LRRC75B: variants seen among roughly 807,000 people sequenced by gnomAD.
The protein encoded by LRRC75B is leucine-rich repeat-containing protein 75B.
A neutral mutation model predicts 16.5 loss-of-function variants in LRRC75B; 20 were observed. The observed-to-expected ratio is 1.21, with a 90% CI of 0.85 to 1.76. The LOEUF (loss-of-function observed/expected upper bound fraction) is 1.76, where lower values mean the gene tolerates loss of function less well. LRRC75B is among the 40% of genes most tolerant of loss of function. The probability of loss-of-function intolerance (pLI) is 0.00; values close to 1 mark genes in which losing one functional copy is unlikely to be tolerated. For synonymous variants in LRRC75B, 199 were observed against 198.1 expected (o/e 1.00, Z -0.04); for missense variants, 406 against 417.0 (o/e 0.97, Z 0.23).
At chr22:24,587,539 G>A (rs2045432909) in intron 3 of LRRC75B, among the ~76,000 whole-genome samples, 1 of 152,076 alleles carries the variant, frequency 6.6e-6, no homozygotes. Context: ...GGCAGACAGG[G>A]GAGGCCTGCT....
rs1056306772 is a variant in LRRC75B at position 24,585,919 on chromosome 22, C to T, written c.915G>A (p.Leu305=). 2 of 1,604,554 alleles carry T rather than the reference C, an allele frequency of 1.2e-6. No homozygotes were observed. The highest frequency in any genetic ancestry group is 1.3e-5 in the African/African-American group (1 of 74,964). ...ASTWDSTAAG[L]GPEPQACCAR is the part of the protein sequence containing the mutation. Reference sequence around the variant, plus strand: ...CACAGCAGGCCTGGGGCTCGGGTCCCAGCCCAGCAGCTGTGGAGTCCCAGG... The same window carrying T: ...CACAGCAGGCCTGGGGCTCGGGTCCTAGCCCAGCAGCTGTGGAGTCCCAGG... Residue 305 remains leucine (L), a synonymous_variant, in exon 4 of 4, where the codon CTG becomes CTA. Transcript: ENST00000318753.
chr22:24,589,304 G>A (rs998844662), intron 2 of LRRC75B: 34 of 1,206,716 alleles, frequency 2.8e-5, no homozygotes, highest in Middle Eastern at 2.5e-4. Context: ...CTCCACCCCA[G>A]CAAGGAGGAG....
chr22:24,588,683 G>C (rs760988807), intron 2 of LRRC75B: 37 of 1,106,042 alleles, frequency 3.3e-5, no homozygotes, highest in Middle Eastern at 8.5e-4. Context: ...ACTTGCCACA[G>C]GGGGAGGAGG....
rs919929022 is a variant in LRRC75B at position 24,591,122 on chromosome 22, C to T, written c.178-1173G>A. Among the ~76,000 whole-genome samples the T allele has an allele frequency of 5.9e-5, 9 of 152,230 alleles. No individual in the cohort carries two copies. In the East Asian group the frequency reaches 1.3e-3, roughly 23 times the overall value. ...GAGACGGAGTTTTGCTCTTGTTGCC[C>T]GGGCTGGGGCGCAGTGGTGCGAGGT... On this transcript the variant is annotated intron_variant, in intron 1 of 3. Coordinates refer to ENST00000318753, the MANE Select transcript of LRRC75B (RefSeq NM_207644.3).
In LRRC75B at chr22:24,588,079, G is replaced by C. The variant is rs149260276; in HGVS notation, c.422+135C>G. The C allele has an allele frequency of 7.1e-5, 49 of 686,926 alleles. No homozygotes were observed. The African/African-American group carries it at 8.3e-4, about 12-fold the overall frequency. 42.6% of individuals were successfully genotyped at this position (686,926 alleles called of 1,614,324 possible). ...CGGGCCAGGCTGACTTCCAGGGTAG[G>C]GCCCTCATGCGGACCAGGTGAGGGC... On this transcript the variant is annotated intron_variant, in intron 3 of 3. Transcript: ENST00000318753.
At chr22:24,589,425 G>C in intron 2 of LRRC75B, 1 of 1,000,254 alleles carries the variant, frequency 1.0e-6, no homozygotes, top group Non-Finnish European at 1.2e-6. Flanking sequence ...AGCCGAGAGC[G>C]GCTCTCTTCT....
rs780658854 is a variant in LRRC75B at position 24,588,235 on chromosome 22, C to G, written c.401G>C (p.Arg134Pro). ...TTACCAGCTCTGGGTCTTCCTCTGG[C>G]GCAGGCTGGACCCTTGCTGCTGCTT... ...HSKQQQGSSL[R>P]QRKTQSCLKS... The change falls in exon 3 of 4, where the codon CGC (arginine) becomes CCC (proline). Residue 134 changes from arginine (R) to proline (P), a missense_variant. Transcript: ENST00000318753. 3.7e-6 allele frequency: 6 copies of G among 1,613,146 alleles called. No homozygotes were observed. In the East Asian group the frequency reaches 1.3e-4, roughly 36 times the overall value.
intron 2 of LRRC75B, chr22:24,589,053 C>T (rs1569036870): frequency 5.8e-6 from 6 of 1,025,690 alleles, no homozygotes; most frequent in Non-Finnish European, 7.1e-6. Flanking sequence ...CTGTGATGGC[C>T]GTGGGCTAGG....
chr22:24,591,524 G>A (rs2045567300), intron 1 of LRRC75B, among the ~76,000 whole-genome samples: 1 of 152,212 alleles, frequency 6.6e-6, no homozygotes, highest in Non-Finnish European at 1.5e-5. Flanking sequence ...GGCCAGGCAG[G>A]GGAGGCCGTG....
intron 1 of LRRC75B, among the ~76,000 whole-genome samples, chr22:24,591,860 G>T (rs1227365858): frequency 6.6e-6 from 1 of 152,252 alleles, no homozygotes; most frequent in Non-Finnish European, 1.5e-5. Flanking sequence ...CCTTCCATGG[G>T]TCTAGACAGC....
rs2045389180 is a variant in LRRC75B at position 24,586,248 on chromosome 22, G to C, written c.586C>G (p.Leu196Val). 6.2e-7 allele frequency: 1 copy of C among 1,613,688 alleles called. No individual in the cohort carries two copies. The highest frequency in any genetic ancestry group is 1.3e-5 in the African/African-American group (1 of 74,956). ...AGGCTGGGCAGCAGGAGGTGCAGCAGCTCATCACTCAGCCCCGTGAAGCTC... is the reference window on the plus strand; with the variant it reads ...AGGCTGGGCAGCAGGAGGTGCAGCACCTCATCACTCAGCCCCGTGAAGCTC... Reference protein sequence around the residue: ...DLSFTGLSDELLHLLLPSLWA... With the variant: ...DLSFTGLSDEVLHLLLPSLWA... The change falls in exon 4 of 4, where the codon CTG becomes GTG. Residue 196 changes from leucine to valine, a missense_variant. By Grantham distance (32) the Leu-to-Val change is conservative. Transcript: ENST00000318753.
intron 2 of LRRC75B, chr22:24,588,868 G>A: frequency 9.9e-7 from 1 of 1,007,746 alleles, no homozygotes; most frequent in Non-Finnish European, 1.2e-6. Flanking sequence ...ACCACCACCT[G>A]GCTCTCTCTC....
In LRRC75B at chr22:24,588,769, GTTC is replaced by G. The variant is rs747672891; in HGVS notation, c.307-443_307-441del. 103 of 1,027,412 alleles carry G rather than the reference GTTC, an allele frequency of 1.0e-4. No homozygotes were observed. The Middle Eastern group carries it at 1.5e-3, about 15-fold the overall frequency. The allele number at this position is 1,027,412 out of a possible 1,614,324, so 63.6% of individuals were successfully genotyped here. On this transcript the variant is annotated intron_variant, in intron 2 of 3. Coordinates refer to ENST00000318753, the MANE Select transcript of LRRC75B (RefSeq NM_207644.3). ...GAGTAGGAACAAGCCAGGTCAGCGT[GTTC>G]TTCTTCCTCTCACTCTCCAAGCGAG...
Position 24,588,451 on chromosome 22 carries a change from G to A in LRRC75B, c.307-122C>T, listed in dbSNP as rs115387696. ...GCACAGTCATGCACCATGCATCACC[G>A]AGTTGCCCACCAGGGCCTCCCCCTC... On this transcript the variant is annotated intron_variant, in intron 2 of 3. Transcript: ENST00000318753. 8.1e-3 allele frequency: 6,673 copies of A among 827,058 alleles called. 221 individuals carry two copies. The Admixed American group carries it at 0.083, about 10-fold the overall frequency. The allele number at this position is 827,058 out of a possible 1,614,324, so 51.2% of individuals were successfully genotyped here.
chr22:24,588,989 T>G (rs2045485439), intron 2 of LRRC75B: 1 of 1,010,886 alleles, frequency 9.9e-7, no homozygotes. Context: ...AGTCCCTCTG[T>G]GAGCAGCCCC....
rs368786692 is a variant in LRRC75B, at chr22:24,585,971, G to A, written c.863C>T (p.Ala288Val). ...GGAGGCAGGGGTGGTGGCCCCGGCC[G>A]CACTGCCCTCAGGCTCAAGGTCCAG... ...EGLDLEPEGS[A>V]AGATTPASTW... Residue 288 changes from alanine to valine, a missense_variant, in exon 4 of 4, where the codon GCG (alanine) becomes GTG (valine). Ala to Val is a moderately conservative substitution (Grantham distance 64). Coordinates refer to ENST00000318753, the MANE Select transcript of LRRC75B (RefSeq NM_207644.3). 6 of 1,609,822 alleles carry A rather than the reference G, an allele frequency of 3.7e-6. No individual in the cohort carries two copies. Among genetic ancestry groups the A allele is most frequent in the Admixed American group, 1.7e-5 (1 of 59,980 alleles).
rs1362022895 is a variant in LRRC75B, at chr22:24,592,895, G to A, written c.145C>T (p.Arg49Cys). 6 of 1,280,460 alleles carry A rather than the reference G, an allele frequency of 4.7e-6. No homozygotes were observed. Among genetic ancestry groups the A allele is most frequent in the Admixed American group, 4.1e-5 (1 of 24,660 alleles). 79.3% of individuals were successfully genotyped at this position (1,280,460 alleles called of 1,614,324 possible). A position where few individuals can be genotyped will look rare whatever the true frequency, so the allele number is the denominator to read the frequency against. ...AGGAGGCGCAGCAGCTGCCGGGCGC[G>A]CTCCGGCCGCCGCTCGCGGAGCGTG... The part of the protein sequence containing the change: ...QSTLRERRPE[R>C]ARQLLRLLRQ... Residue 49 changes from arginine to cysteine, a missense_variant, in exon 1 of 4, where the codon CGC becomes TGC. By Grantham distance (180) the Arg-to-Cys change is radical. Transcript: ENST00000318753.
At chr22:24,588,426 G>A (rs1194800378) in intron 2 of LRRC75B, 97 bp from the exon 3 acceptor site, 1 of 905,918 alleles carries the variant, frequency 1.1e-6, no homozygotes, top group South Asian at 1.5e-5. Flanking sequence ...GTGTGTGTGA[G>A]CACAGTCATG....
In LRRC75B at chr22:24,592,615, C is replaced by T. The variant is rs554554514; in HGVS notation, c.177+248G>A. 4.8e-5 allele frequency: 26 copies of T among 544,074 alleles called. No homozygotes were observed. In the South Asian group the frequency reaches 4.8e-4, roughly 10 times the overall value. The allele number at this position is 544,074 out of a possible 1,614,324, so 33.7% of individuals were successfully genotyped here. On this transcript the variant is annotated intron_variant, in intron 1 of 3. Transcript: ENST00000318753. ...AAAGACCCGGACACACTCAGCAGCC[C>T]CCTCCTCCACACGGTCCGCCGACCT...
Sources: gnomAD v4.1 joint callset for allele counts (sites outside exome capture counted in the v4.1 genomes callset) on GRCh38, gnomAD v4.1.1 for gene constraint, MANE v1.5 for transcripts, NCBI Gene and HGNC (gene_info 2026-07-23, HGNC 2026-07-21) for gene names.